CAP1: variants seen among roughly 807,000 people sequenced by gnomAD.
CAP1 encodes adenylyl cyclase-associated protein 1.
In CAP1, 11 loss-of-function variants were observed where a neutral mutation model predicts 58.2. The observed-to-expected ratio is 0.19, with a 90% CI of 0.12 to 0.31. The LOEUF (loss-of-function observed/expected upper bound fraction) is 0.31. Ranked by LOEUF, CAP1 falls within the 10% of genes least tolerant of loss-of-function variation. The pLI, the probability that CAP1 is intolerant of heterozygous loss-of-function variation, is 1.00. For synonymous variants in CAP1, 183 were observed against 213.8 expected (o/e 0.86, Z 1.26); for missense variants, 423 against 587.5 (o/e 0.72, Z 2.89).
chr1:40,059,927 C>T, intron 2 of CAP1, 140 bp from the exon 3 acceptor site: 1 of 578,958 alleles, frequency 1.7e-6, no homozygotes, highest in South Asian at 2.4e-5. Flanking sequence ...TGATACTGGA[C>T]CTGGAACCCA....
In CAP1 at chr1:40,053,391, A is replaced by G. The variant is rs529420708; in HGVS notation, c.-10-5946A>G. Among the ~76,000 whole-genome samples, 3 of 152,318 alleles carry G rather than the reference A, an allele frequency of 2.0e-5. No homozygotes were observed. The East Asian group carries it at 5.8e-4, about 29-fold the overall frequency. ...GGAGTAGCAAGAAGAGCTGCAGAGT[A>G]GGATTCAGAATATTTGTACTCTAGG... On this transcript the variant is annotated intron_variant, in intron 1 of 12. Transcript: ENST00000372805.
Position 40,069,844 on chromosome 1 carries a change from A to G in CAP1, c.963A>G (p.Val321=), listed in dbSNP as rs1421995196. 8 of 1,591,036 alleles carry G rather than the reference A, an allele frequency of 5.0e-6. No homozygotes were observed. Among genetic ancestry groups the G allele is most frequent in the Non-Finnish European group, 6.8e-6 (8 of 1,170,862 alleles). ...PKRATKKEPA[V]LELEGKKWRV... is the part of the protein sequence containing the mutation. ...GAGCCACAAAGAAGGAGCCAGCTGT[A>G]CTTGAACTGGAGGGCAAGAAGTGGA... The change falls in exon 9 of 13, where the codon GTA becomes GTG. Residue 321 remains valine (V), a synonymous_variant. Transcript: ENST00000372805.
intron 11 of CAP1, 108 bp from the exon 12 acceptor site, chr1:40,070,728 G>T: frequency 9.7e-7 from 1 of 1,031,632 alleles, no homozygotes; most frequent in Non-Finnish European, 1.5e-6. Flanking sequence ...GCGCATCTGT[G>T]AGCTTTTCAT....
chr1:40,067,730 T>C lies in CAP1; in HGVS notation c.808+13T>C, dbSNP rs1355064137. The C allele has an allele frequency of 6.3e-7, 1 of 1,587,358 alleles. No individual in the cohort carries two copies. Among genetic ancestry groups the C allele is most frequent in the Non-Finnish European group, 8.6e-7 (1 of 1,165,746 alleles). ...AGCATTACACATGGTGAGTGAGCACTTGGACACGAACAGTAGGTACAACAA... is the reference window on the plus strand; with the variant it reads ...AGCATTACACATGGTGAGTGAGCACCTGGACACGAACAGTAGGTACAACAA... On this transcript the variant is annotated intron_variant, in intron 8 of 12. Coordinates refer to ENST00000372805, the MANE Select transcript of CAP1 (RefSeq NM_006367.4).
At chr1:40,057,411 G>C (rs923094944) in intron 1 of CAP1, 3 of 152,184 alleles carry the variant, frequency 2.0e-5, no homozygotes, top group Admixed American at 6.5e-5. Flanking sequence ...GGGAAAGTAT[G>C]TTGACTGCTT....
At chr1:40,054,049 T>G (rs1646499921) in intron 1 of CAP1, among the ~76,000 whole-genome samples, 1 of 152,074 alleles carries the variant, frequency 6.6e-6, no homozygotes, top group Non-Finnish European at 1.5e-5. Flanking sequence ...CAAAAGCAGA[T>G]AAGCAAAAAA....
chr1:40,069,430 G>A, intron 8 of CAP1: 1 of 306,294 alleles, frequency 3.3e-6, no homozygotes, highest in Non-Finnish European at 6.0e-6. Context: ...TGTCTTTCTA[G>A]ACATAGAGGA....
At chr1:40,064,945 C>A (rs1647011142) in intron 6 of CAP1, among the ~76,000 whole-genome samples, 1 of 152,170 alleles carries the variant, frequency 6.6e-6, no homozygotes, top group Non-Finnish European at 1.5e-5. Context: ...TGAGGGCTGC[C>A]CTTAGCCACT....
chr1:40,040,282 C>T (rs1645754230), upstream of CAP1: 1 of 151,972 alleles, frequency 6.6e-6, no homozygotes, highest in African/African-American at 2.4e-5. Context: ...GCCCGGATTC[C>T]CGCCCTCAGA....
intron 1 of CAP1, among the ~76,000 whole-genome samples, chr1:40,045,016 T>A (rs1646025473): frequency 6.6e-6 from 1 of 151,936 alleles, no homozygotes; most frequent in Non-Finnish European, 1.5e-5. Flanking sequence ...GATCTCCTGA[T>A]CTCGTGATCT....
chr1:40,051,250 A>G (rs934080387), intron 1 of CAP1, among the ~76,000 whole-genome samples: 1 of 152,196 alleles, frequency 6.6e-6, no homozygotes, highest in African/African-American at 2.4e-5. Flanking sequence ...TTCCCATAAT[A>G]AAACTTTTAA....
rs1424371658 is a variant in CAP1 at position 40,070,913 on chromosome 1, T to C, written c.1278T>C (p.Asp426=). ...CHAYLSKNSL[D]CEIVSAKSSE... ...CTTACCTGAGCAAGAATTCCCTGGA[T>C]TGTGAAATAGTCAGTGCCAAATCTT... Residue 426 remains aspartate, a synonymous_variant, in exon 12 of 13, where the codon GAT becomes GAC. Coordinates refer to ENST00000372805, the MANE Select transcript of CAP1 (RefSeq NM_006367.4). 6.2e-7 allele frequency: 1 copy of C among 1,613,898 alleles called. No homozygotes were observed. Among genetic ancestry groups the C allele is most frequent in the South Asian group, 1.1e-5 (1 of 91,078 alleles).
chr1:40,068,580 TTGA>T (rs1342852960), intron 8 of CAP1, among the ~76,000 whole-genome samples: 3 of 151,868 alleles, frequency 2.0e-5, no homozygotes, highest in African/African-American at 7.3e-5. Context: ...GCCCGGCCTC[TTGA>T]TGAAATGTTG....
intron 2 of CAP1, 30 bp from the exon 3 acceptor site, chr1:40,060,037 G>T (rs200769162): frequency 3.3e-4 from 523 of 1,577,808 alleles, no homozygotes; most frequent in Middle Eastern, 6.4e-4. Flanking sequence ...CTGATGCATG[G>T]CTGATTCTTT....
chr1:40,043,669 G>A (rs1645947495), intron 1 of CAP1, among the ~76,000 whole-genome samples: 1 of 152,036 alleles, frequency 6.6e-6, no homozygotes, highest in African/African-American at 2.4e-5. Context: ...TTGAGATCAG[G>A]AGTTCAAGAC....
chr1:40,053,240 G>A (rs1646460917), intron 1 of CAP1, among the ~76,000 whole-genome samples: 1 of 151,874 alleles, frequency 6.6e-6, no homozygotes, highest in Admixed American at 6.6e-5. Flanking sequence ...AAAGAAAAAT[G>A]GAAGATGATA....
intron 4 of CAP1, among the ~76,000 whole-genome samples, chr1:40,062,797 G>GTGTGTA (rs1275568248): frequency 1.3e-5 from 2 of 151,322 alleles, no homozygotes; most frequent in Non-Finnish European, 2.9e-5. Context: ...GTGTGTGTGT[G>GTGTGTA]TATAGATGCC....
rs775410669 is a variant in CAP1, at chr1:40,043,892, AAAAAG to A, written c.-11+3095_-11+3099del. On this transcript the variant is annotated intron_variant, in intron 1 of 12. Transcript: ENST00000372805. ...TCTGTCTCAAAAAAAAAAGAAAAGAAAAAAGAAATTTCTCGCTTTTTCCAGAAATA... is the reference window on the plus strand; with the variant it reads ...TCTGTCTCAAAAAAAAAAGAAAAGAAAAATTTCTCGCTTTTTCCAGAAATA... Among the ~76,000 whole-genome samples the A allele has an allele frequency of 2.6e-3, 391 of 152,256 alleles. 3 individuals carry two copies. Among genetic ancestry groups the A allele is most frequent in the Non-Finnish European group, 3.9e-3 (264 of 68,006 alleles).
Position 40,070,944 on chromosome 1 carries a change from A to G in CAP1, c.1309A>G (p.Met437Val). 1 of 1,614,042 alleles carries G rather than the reference A, an allele frequency of 6.2e-7. No individual in the cohort carries two copies. Among genetic ancestry groups the G allele is most frequent in the South Asian group, 1.1e-5 (1 of 91,080 alleles). The stretch of plus-strand genomic sequence containing the variant: ...AATAGTCAGTGCCAAATCTTCCGAG[A>G]TGAATGTCCTCATTCCTACAGAAGG... ...CEIVSAKSSE[M>V]NVLIPTEGGD... The change falls in exon 12 of 13, where the codon ATG (methionine) becomes GTG (valine). Residue 437 changes from methionine to valine, a missense_variant. Transcript: ENST00000372805.
Sources: gnomAD v4.1 joint callset for allele counts (sites outside exome capture counted in the v4.1 genomes callset) on GRCh38, gnomAD v4.1.1 for gene constraint, MANE v1.5 for transcripts, NCBI Gene and HGNC (gene_info 2026-07-23, HGNC 2026-07-21) for gene names.